The following RAB33A variants were observed in gnomAD, a reference collection of about 807,000 sequenced individuals.
RAB33A encodes the protein RAB33A, member RAS oncogene family.
A neutral mutation model predicts 12.0 loss-of-function variants in RAB33A; 6 were observed. The observed-to-expected ratio is 0.50, with a 90% CI of 0.27 to 0.99. The LOEUF is 0.99. Among genes scored for constraint, RAB33A ranks in the 50% least tolerant of loss-of-function variants. The pLI, the probability that RAB33A is intolerant of heterozygous loss-of-function variation, is 0.11. For synonymous variants in RAB33A, 70 were observed against 82.4 expected, an observed-to-expected ratio of 0.85 and a Z score of 0.81; for missense variants, 109 against 192.0, an observed-to-expected ratio of 0.57 and a Z score of 2.55.
the RAB33A span, among the ~76,000 whole-genome samples, chrX:130,111,011 GGGGAGGGAACGA>G: frequency 2.1e-5 from 2 of 96,072 alleles, no homozygotes; most frequent in Admixed American, 2.1e-4. Context: ...GGGCGGGGTG[GGGGAGGGAACGA>G]GGGAGGGACG....
At chrX:130,139,728 T>G in the RAB33A span, 2 of 1,086,378 alleles carry the variant, frequency 1.8e-6, no homozygotes, top group South Asian at 3.7e-5. Context: ...GGTGGGCACT[T>G]GGGGACTGCA....
At chrX:130,146,266 C>T in the RAB33A span, among the ~76,000 whole-genome samples, 2 of 110,106 alleles carry the variant, frequency 1.8e-5, no homozygotes, top group African/African-American at 3.3e-5. Flanking sequence ...AGCAACATCT[C>T]GTCTCTAGAA....
chrX:130,149,797 T>C, the RAB33A span, among the ~76,000 whole-genome samples: 2 of 112,189 alleles, frequency 1.8e-5, no homozygotes, highest in African/African-American at 6.5e-5. Flanking sequence ...CAGTTTCAGA[T>C]TTTTAGGCTC....
At chrX:130,116,015 T>C in the RAB33A span, among the ~76,000 whole-genome samples, 1 of 111,243 alleles carries the variant, frequency 9.0e-6, no homozygotes, top group Non-Finnish European at 1.9e-5. Flanking sequence ...TCTAAAAAGC[T>C]TGTTGAATAG....
the RAB33A span, among the ~76,000 whole-genome samples, chrX:130,131,010 C>T: frequency 1.9e-4 from 21 of 112,622 alleles, no homozygotes; most frequent in African/African-American, 6.8e-4. Context: ...CCTTCTTAAA[C>T]AGCACCTTGC....
chrX:130,168,375 C>T (rs1307284897), upstream of RAB33A, among the ~76,000 whole-genome samples: 1 of 109,136 alleles, frequency 9.2e-6, no homozygotes, highest in Non-Finnish European at 1.9e-5. Flanking sequence ...CCACCGCGCC[C>T]TGCTAATTTT....
chrX:130,160,107 T>C, the RAB33A span, among the ~76,000 whole-genome samples: 4 of 112,308 alleles, frequency 3.6e-5, no homozygotes, highest in African/African-American at 1.3e-4. Context: ...AGAAATGTAA[T>C]ACACTACTCT....
the RAB33A span, chrX:130,155,060 G>A: frequency 3.8e-6 from 4 of 1,053,279 alleles, no homozygotes; most frequent in Non-Finnish European, 5.3e-6. Context: ...AGCACATGCT[G>A]TGAATATTTT....
chrX:130,125,406 C>T, the RAB33A span, among the ~76,000 whole-genome samples: 17 of 111,212 alleles, frequency 1.5e-4, no homozygotes, highest in Admixed American at 8.6e-4. Flanking sequence ...GTTTTGTGTA[C>T]GCGTGTCTGT....
At position 130,180,976 on chromosome X, in the gene RAB33A, C is replaced by G. The variant is rs765266628; in HGVS notation, c.259-3309C>G. Among the ~76,000 whole-genome samples the G allele has an allele frequency of 4.9e-5, 4 of 81,820 alleles. No individual in the cohort carries two copies. The South Asian group carries it at 2.7e-3, about 56-fold the overall frequency. 71.1% of individuals were successfully genotyped at this position (81,820 alleles called of 115,157 possible). On this transcript the variant is annotated intron_variant, in intron 1 of 1. Coordinates refer to ENST00000257017, the MANE Select transcript of RAB33A (RefSeq NM_004794.3). ...TGAGCTGAGATTGCACCACTGCACTCCAGCCTGGGCAACAGAGCAACAGTC... is the reference window on the plus strand; with the variant it reads ...TGAGCTGAGATTGCACCACTGCACTGCAGCCTGGGCAACAGAGCAACAGTC...
the RAB33A span, chrX:130,138,684 G>A: frequency 3.3e-6 from 4 of 1,203,133 alleles, no homozygotes; most frequent in Non-Finnish European, 4.5e-6. Flanking sequence ...TCTTCTCCAA[G>A]CTTCTAAAGT....
intron 1 of RAB33A, among the ~76,000 whole-genome samples, chrX:130,172,787 A>G (rs749255760): frequency 8.9e-6 from 1 of 111,929 alleles, no homozygotes; most frequent in South Asian, 3.7e-4. Flanking sequence ...GAAGGAAATG[A>G]TGGAAATCCA....
At chrX:130,136,326 G>A in the RAB33A span, 1,398 of 758,039 alleles carry the variant, frequency 1.8e-3, 14 homozygotes, top group Admixed American at 0.03. Flanking sequence ...TGGATTTTAA[G>A]TTCTATTTCA....
the RAB33A span, chrX:130,131,870 A>C: frequency 8.6e-7 from 1 of 1,160,656 alleles, no homozygotes; most frequent in African/African-American, 1.8e-5. Flanking sequence ...ATTCTCCATG[A>C]CACTGCATTT....
the RAB33A span, among the ~76,000 whole-genome samples, chrX:130,153,512 C>T: frequency 9.0e-6 from 1 of 111,320 alleles, no homozygotes; most frequent in Non-Finnish European, 1.9e-5. Flanking sequence ...TACGAAGAAA[C>T]GCTATTCACT....
the RAB33A span, among the ~76,000 whole-genome samples, chrX:130,142,084 C>G: frequency 8.9e-6 from 1 of 112,168 alleles, no homozygotes; most frequent in Non-Finnish European, 1.9e-5. Flanking sequence ...TAAGCACCTA[C>G]TATGTATCAA....
the RAB33A span, among the ~76,000 whole-genome samples, chrX:130,154,969 G>T: frequency 8.9e-6 from 1 of 112,334 alleles, no homozygotes; most frequent in Non-Finnish European, 1.9e-5. Context: ...GCTATATCTG[G>T]TAGGACTTCA....
At chrX:130,182,659 T>C (rs1230202954) in intron 1 of RAB33A, among the ~76,000 whole-genome samples, 2 of 109,696 alleles carry the variant, frequency 1.8e-5, no homozygotes, top group Non-Finnish European at 3.8e-5. Flanking sequence ...GAGTCTGAGG[T>C]GGGAGAATTG....
At chrX:130,165,845 G>T in the RAB33A span, 276 of 486,186 alleles carry the variant, frequency 5.7e-4, no homozygotes, top group African/African-American at 5.4e-3. Flanking sequence ...GGGGAACGGC[G>T]ACCGGAGGCC....
Sources: allele counts gnomAD v4.1 joint callset (sites outside exome capture counted in the v4.1 genomes callset), GRCh38; gene constraint gnomAD v4.1.1; transcripts MANE v1.5; gene names NCBI Gene and HGNC (gene_info 2026-07-23, HGNC 2026-07-21).